The following RAB30 variants were observed in gnomAD, a reference collection of about 807,000 sequenced individuals.
The protein encoded by RAB30 is RAB30, member RAS oncogene family.
RAB30 carries 9 observed loss-of-function variants against 25.1 expected under a neutral mutation model. That is an observed-to-expected ratio of 0.36 (90% confidence interval 0.22 to 0.63). The LOEUF (loss-of-function observed/expected upper bound fraction) is 0.63, where lower values mean the gene tolerates loss of function less well. RAB30 is among the 20% of genes least tolerant of loss of function. The probability of loss-of-function intolerance (pLI) is 0.69; values close to 1 mark genes in which losing one functional copy is unlikely to be tolerated. For missense variants in RAB30, 140 were observed against 243.5 expected (o/e 0.58, Z 2.83); for synonymous variants, 77 against 86.4 (o/e 0.89, Z 0.60).
chr11:83,069,698 C>CA (rs1204969603), intron 1 of RAB30, among the ~76,000 whole-genome samples: 1 of 152,184 alleles, frequency 6.6e-6, no homozygotes, highest in Non-Finnish European at 1.5e-5. Flanking sequence ...ATTATGAGAA[C>CA]ATTTCATGTA....
intron 1 of RAB30, among the ~76,000 whole-genome samples, chr11:83,020,749 A>G (rs1320056248): frequency 6.6e-6 from 1 of 152,196 alleles, no homozygotes; most frequent in Non-Finnish European, 1.5e-5. Flanking sequence ...AGACCACGGA[A>G]CAGAGGGAGG....
chr11:83,070,872 G>A (rs575593098), intron 1 of RAB30, among the ~76,000 whole-genome samples: 1 of 152,214 alleles, frequency 6.6e-6, no homozygotes, highest in East Asian at 1.9e-4. Flanking sequence ...TCTTCAAACC[G>A]TTATTTGTGA....
chr11:83,041,292 G>A (rs189335928), intron 1 of RAB30: 188 of 182,482 alleles, frequency 1.0e-3, no homozygotes, highest in Non-Finnish European at 1.6e-3. Flanking sequence ...TGGCCCTGTG[G>A]AGGGCCTCAA....
At chr11:83,010,338 C>T (rs780887896) in intron 1 of RAB30, among the ~76,000 whole-genome samples, 3 of 152,120 alleles carry the variant, frequency 2.0e-5, no homozygotes, top group Non-Finnish European at 4.4e-5. Context: ...ATGCTCCTAG[C>T]TACTCAGGAG....
chr11:82,981,595 T>C lies in RAB30; in HGVS notation c.*570A>G, dbSNP rs189401145. 1.9e-3 allele frequency: 294 copies of C among 153,328 alleles called. 1 individual carries two copies. The highest frequency in any genetic ancestry group is 0.017 in the Middle Eastern group (5 of 294). The allele number at this position is 153,328 out of a possible 1,614,324, so 9.5% of individuals were successfully genotyped here. On this transcript the variant is annotated 3_prime_UTR_variant, in exon 5 of 5. Transcript: ENST00000527633. Reference sequence around the variant, plus strand: ...TTAAAACAATGATTGTTACTGTTGGTCATGGGTAAAGGTTTCATTTCATTT... The same window carrying C: ...TTAAAACAATGATTGTTACTGTTGGCCATGGGTAAAGGTTTCATTTCATTT...
intron 1 of RAB30, among the ~76,000 whole-genome samples, chr11:83,064,736 C>A (rs185348631): frequency 2.6e-5 from 4 of 152,130 alleles, no homozygotes; most frequent in African/African-American, 9.7e-5. Context: ...CATTCAGGAA[C>A]GCCAGCTGAT....
intron 1 of RAB30, among the ~76,000 whole-genome samples, chr11:83,030,438 T>C (rs1351242150): frequency 6.6e-6 from 1 of 151,906 alleles, no homozygotes; most frequent in African/African-American, 2.4e-5. Flanking sequence ...GTCAAGGCTA[T>C]GTTGAGCCGT....
intron 1 of RAB30, among the ~76,000 whole-genome samples, chr11:83,063,430 T>C (rs2121521318): frequency 6.6e-6 from 1 of 152,366 alleles, no homozygotes; most frequent in South Asian, 2.1e-4. Context: ...AATAAAATTT[T>C]TCTGCAGAAT....
intron 1 of RAB30, among the ~76,000 whole-genome samples, chr11:83,020,293 C>T (rs1055587387): frequency 1.3e-5 from 2 of 152,358 alleles, no homozygotes; most frequent in Middle Eastern, 3.4e-3. Flanking sequence ...TGGCCTCTCC[C>T]CCACTCCTTA....
chr11:83,026,274 G>A (rs1210456307), intron 1 of RAB30, among the ~76,000 whole-genome samples: 1 of 152,164 alleles, frequency 6.6e-6, no homozygotes, highest in East Asian at 1.9e-4. Context: ...TAGGATACGT[G>A]ATATGATTTG....
intron 2 of RAB30, among the ~76,000 whole-genome samples, chr11:82,996,565 T>C (rs1206253867): frequency 6.6e-6 from 1 of 152,196 alleles, no homozygotes; most frequent in Non-Finnish European, 1.5e-5. Context: ...TTGGAATGAT[T>C]TCTATATAAA....
intron 1 of RAB30, among the ~76,000 whole-genome samples, chr11:83,014,256 G>T (rs757123116): frequency 2.0e-5 from 3 of 152,182 alleles, no homozygotes; most frequent in Admixed American, 2.0e-4. Flanking sequence ...AATTGAATAA[G>T]AAAGAGCCAG....
intron 1 of RAB30, among the ~76,000 whole-genome samples, chr11:83,045,435 A>C (rs1349032279): frequency 6.6e-6 from 1 of 152,156 alleles, no homozygotes. Context: ...CCAGCTCTGT[A>C]AACATTTATT....
chr11:83,063,258 G>A (rs752927672), intron 1 of RAB30, among the ~76,000 whole-genome samples: 9 of 152,058 alleles, frequency 5.9e-5, no homozygotes, highest in Admixed American at 1.3e-4. Context: ...ATGAACACTC[G>A]GGCCTTTTAA....
intron 1 of RAB30, among the ~76,000 whole-genome samples, chr11:83,056,578 A>T (rs1388643213): frequency 6.6e-6 from 1 of 152,214 alleles, no homozygotes; most frequent in Non-Finnish European, 1.5e-5. Flanking sequence ...TATCAAGTAA[A>T]AAAGGACTCA....
intron 1 of RAB30, among the ~76,000 whole-genome samples, chr11:83,062,278 A>G (rs747552764): frequency 1.9e-4 from 29 of 152,302 alleles, no homozygotes; most frequent in Middle Eastern, 3.4e-3. Flanking sequence ...GCTAAATTCT[A>G]CTGCCTAGAA....
At chr11:82,996,497 G>T (rs1318567091) in intron 2 of RAB30, among the ~76,000 whole-genome samples, 1 of 152,148 alleles carries the variant, frequency 6.6e-6, no homozygotes, top group African/African-American at 2.4e-5. Context: ...GTATGTAATG[G>T]TCCTACAAAG....
Position 82,975,535 on chromosome 11 carries a change from G to A in RAB30, c.*6630C>T, listed in dbSNP as rs1212827134. The A allele has an allele frequency of 6.6e-6, 1 of 152,032 alleles. No individual in the cohort carries two copies. The allele number at this position is 152,032 out of a possible 1,614,324, so 9.4% of individuals were successfully genotyped here. On this transcript the variant is annotated 3_prime_UTR_variant, in exon 5 of 5. Transcript: ENST00000527633. Reference sequence around the variant, plus strand: ...GGGGAAGAAACGCTTTTGGATGTTGGTAATTATGTACATCAAATAATGTCA... The same window carrying A: ...GGGGAAGAAACGCTTTTGGATGTTGATAATTATGTACATCAAATAATGTCA...
chr11:83,036,664 A>T (rs904558981), intron 1 of RAB30, among the ~76,000 whole-genome samples: 4 of 152,206 alleles, frequency 2.6e-5, no homozygotes, highest in African/African-American at 4.8e-5. Context: ...ATGCAGATAG[A>T]TAATTACAGA....
Sources: allele counts gnomAD v4.1 joint callset (sites outside exome capture counted in the v4.1 genomes callset), GRCh38; gene constraint gnomAD v4.1.1; transcripts MANE v1.5; gene names NCBI Gene and HGNC (gene_info 2026-07-23, HGNC 2026-07-21).